Variants in MMS22L observed in about 807,000 individuals in gnomAD.
The protein encoded by MMS22L is MMS22 like, DNA repair protein.
MMS22L carries 74 observed loss-of-function variants against 159.1 expected under a neutral mutation model. The ratio of observed to expected loss-of-function variants is 0.47; its 90% CI spans 0.39 to 0.56. The LOEUF (loss-of-function observed/expected upper bound fraction) is 0.56. Ranked by LOEUF, MMS22L falls within the 20% of genes least tolerant of loss-of-function variation. The pLI is 0.00. For missense variants in MMS22L, 1,351 were observed against 1,422.1 expected, an observed-to-expected ratio of 0.95 and a Z score of 0.80; for synonymous variants, 517 against 506.9, an observed-to-expected ratio of 1.02 and a Z score of -0.27.
At chr6:97,173,313 T>A in intron 18 of MMS22L, 91 bp from the exon 19 acceptor site, 1 of 1,138,974 alleles carries the variant, frequency 8.8e-7, no homozygotes, top group Non-Finnish European at 1.3e-6. Flanking sequence ...TTTTTCTACA[T>A]ACGCACCCAT....
chr6:97,274,390 C>T (rs968205221), intron 4 of MMS22L, among the ~76,000 whole-genome samples: 1 of 152,114 alleles, frequency 6.6e-6, no homozygotes, highest in African/African-American at 2.4e-5. Context: ...TAAGGCAGTA[C>T]TCTCTTAAAA....
intron 14 of MMS22L, among the ~76,000 whole-genome samples, chr6:97,196,134 G>A (rs1037534706): frequency 3.9e-5 from 6 of 152,046 alleles, no homozygotes; most frequent in African/African-American, 1.4e-4. Flanking sequence ...TAATGAACAC[G>A]TCAATGTCTG....
chr6:97,162,279 C>T, intron 21 of MMS22L, 114 bp from the exon 22 acceptor site: 1 of 752,070 alleles, frequency 1.3e-6, no homozygotes, highest in East Asian at 2.8e-5. Flanking sequence ...AATACAGTGC[C>T]ACTTGTATAA....
intron 8 of MMS22L, 37 bp downstream of exon 8, chr6:97,267,835 C>T: frequency 1.9e-6 from 3 of 1,551,102 alleles, no homozygotes; most frequent in South Asian, 2.5e-5. Flanking sequence ...TGAATACTGT[C>T]TTTAAGTCTC....
chr6:97,225,803 C>T (rs902837661), intron 14 of MMS22L, among the ~76,000 whole-genome samples: 7 of 152,032 alleles, frequency 4.6e-5, no homozygotes, highest in African/African-American at 1.7e-4. Context: ...CATCTCCTGA[C>T]CTCGTGATCC....
rs182205854 is a variant in MMS22L at position 97,197,603 on chromosome 6, A to G, written c.2040-10913T>C. Among the ~76,000 whole-genome samples the G allele has an allele frequency of 1.6e-4, 24 of 152,296 alleles. No homozygotes were observed. The East Asian group carries it at 4.4e-3, about 28-fold the overall frequency. On this transcript the variant is annotated intron_variant, in intron 14 of 24. Coordinates refer to ENST00000683635, the MANE Select transcript of MMS22L (RefSeq NM_001350599.2). Reference sequence around the variant, plus strand: ...TCAAATACAATTATCTTCCTCTTCAAATGTAAATGGATAGGGTATAACTGT... The same window carrying G: ...TCAAATACAATTATCTTCCTCTTCAGATGTAAATGGATAGGGTATAACTGT...
At chr6:97,174,013 G>C (rs907579122) in intron 18 of MMS22L, among the ~76,000 whole-genome samples, 24 of 151,964 alleles carry the variant, frequency 1.6e-4, no homozygotes, top group Non-Finnish European at 2.9e-5. Context: ...CCAGCAGTTT[G>C]GGAGGCCAAG....
intron 14 of MMS22L, among the ~76,000 whole-genome samples, chr6:97,203,961 C>A (rs2127905594): frequency 1.3e-5 from 2 of 152,256 alleles, no homozygotes; most frequent in Middle Eastern, 6.8e-3. Flanking sequence ...TGCTAAATTT[C>A]TCCAGCAGTA....
At chr6:97,209,871 C>A (rs1260075779) in intron 14 of MMS22L, among the ~76,000 whole-genome samples, 1 of 151,778 alleles carries the variant, frequency 6.6e-6, no homozygotes, top group African/African-American at 2.4e-5. Context: ...GAAAAAGCAG[C>A]TCTATATAAG....
intron 22 of MMS22L, among the ~76,000 whole-genome samples, chr6:97,153,560 G>T (rs1045500917): frequency 6.6e-6 from 1 of 151,802 alleles, no homozygotes; most frequent in Admixed American, 6.6e-5. Flanking sequence ...TAGAAAAGAT[G>T]TGGTTTCACC....
intron 11 of MMS22L, among the ~76,000 whole-genome samples, chr6:97,242,550 C>G (rs562326159): frequency 1.3e-5 from 2 of 152,262 alleles, no homozygotes; most frequent in Admixed American, 1.3e-4. Context: ...TTCTGCCCTT[C>G]TATATCTTTC....
chr6:97,182,955 T>C (rs552308994), intron 15 of MMS22L, among the ~76,000 whole-genome samples: 2 of 152,250 alleles, frequency 1.3e-5, no homozygotes, highest in Admixed American at 6.5e-5. Flanking sequence ...CCTGCCATAA[T>C]CTTTTGTGAT....
chr6:97,228,837 C>G, intron 14 of MMS22L, 57 bp downstream of exon 14: 2 of 1,459,086 alleles, frequency 1.4e-6, no homozygotes, highest in Non-Finnish European at 1.8e-6. Context: ...AATATAAAAT[C>G]CACATAAGTA....
At position 97,161,985 on chromosome 6, in the gene MMS22L, TA is replaced by T; in HGVS notation, c.3385+16del. ...TGTAAAAAGAAAATGGTAACAAAAA[TA>T]AGCTTACAAACAAACCTTGTGGTTC... On this transcript the variant is annotated intron_variant, in intron 22 of 24. Coordinates refer to ENST00000683635, the MANE Select transcript of MMS22L (RefSeq NM_001350599.2). The T allele has an allele frequency of 6.3e-7, 1 of 1,596,774 alleles. No homozygotes were observed. The highest frequency in any genetic ancestry group is 2.2e-5 in the East Asian group (1 of 44,634).
At chr6:97,250,261 A>G (rs1267246912) in intron 10 of MMS22L, among the ~76,000 whole-genome samples, 1 of 152,156 alleles carries the variant, frequency 6.6e-6, no homozygotes, top group African/African-American at 2.4e-5. Flanking sequence ...TTTAAACGTT[A>G]GTATAGGTAG....
chr6:97,246,090 TG>T, intron 11 of MMS22L: 3 of 403,466 alleles, frequency 7.4e-6, no homozygotes, highest in Non-Finnish European at 1.4e-5. Context: ...ATGAACAGCA[TG>T]TTTAAAACTA....
intron 14 of MMS22L, among the ~76,000 whole-genome samples, chr6:97,225,613 C>T (rs1346697081): frequency 1.3e-5 from 2 of 149,866 alleles, no homozygotes; most frequent in Non-Finnish European, 2.9e-5. Context: ...CGCTCTGTCA[C>T]ACAGGCTGGA....
intron 22 of MMS22L, among the ~76,000 whole-genome samples, chr6:97,157,810 G>A (rs909688872): frequency 1.3e-5 from 2 of 152,118 alleles, no homozygotes; most frequent in Non-Finnish European, 2.9e-5. Flanking sequence ...CCAGGTTTTA[G>A]TATCAGGATG....
chr6:97,214,097 C>G (rs1459520106), intron 14 of MMS22L, among the ~76,000 whole-genome samples: 1 of 152,028 alleles, frequency 6.6e-6, no homozygotes, highest in Non-Finnish European at 1.5e-5. Flanking sequence ...TAAATCAAAT[C>G]ATTAAAAAAA....
Sources: gnomAD v4.1 joint callset for allele counts (sites outside exome capture counted in the v4.1 genomes callset) on GRCh38, gnomAD v4.1.1 for gene constraint, MANE v1.5 for transcripts, NCBI Gene and HGNC (gene_info 2026-07-23, HGNC 2026-07-21) for gene names.